The following JADE1 variants were observed in gnomAD, a reference collection of about 807,000 sequenced individuals.
The protein encoded by JADE1 is jade family PHD finger 1.
A neutral mutation model predicts 81.8 loss-of-function variants in JADE1; 14 were observed. The ratio of observed to expected loss-of-function variants is 0.17; its 90% CI spans 0.11 to 0.27. The LOEUF (loss-of-function observed/expected upper bound fraction) is 0.27. Ranked by LOEUF, JADE1 falls within the 10% of genes least tolerant of loss-of-function variation. The pLI is 1.00. For missense variants in JADE1, 690 were observed against 1,047.9 expected, an observed-to-expected ratio of 0.66 and a Z score of 4.71; for synonymous variants, 353 against 391.9, an observed-to-expected ratio of 0.90 and a Z score of 1.17.
chr4:128,855,570 T>C (rs1730725293), intron 6 of JADE1, 60 bp from the exon 7 acceptor site: 1 of 1,454,530 alleles, frequency 6.9e-7, no homozygotes, highest in Non-Finnish European at 9.3e-7. Context: ...ATAGATATAA[T>C]GGGAAAAATA....
chr4:128,838,602 G>A (rs1253580756), intron 2 of JADE1, among the ~76,000 whole-genome samples: 1 of 152,138 alleles, frequency 6.6e-6, no homozygotes, highest in East Asian at 1.9e-4. Context: ...TAATAAGTGC[G>A]TGATGTTTTG....
intron 5 of JADE1, among the ~76,000 whole-genome samples, chr4:128,851,248 A>C (rs1033877134): frequency 3.3e-5 from 5 of 152,252 alleles, no homozygotes; most frequent in African/African-American, 1.2e-4. Context: ...TTGGTTAACT[A>C]TGTTTTTCAA....
Position 128,818,610 on chromosome 4 carries a change from A to G in JADE1, c.-27+8733A>G, listed in dbSNP as rs1727264234. ...TGCCTTTCTCTGTAAAGAGCCAGGTAGTCAATATTTTAGGTTTTGTGGGTC... is the reference window on the plus strand; with the variant it reads ...TGCCTTTCTCTGTAAAGAGCCAGGTGGTCAATATTTTAGGTTTTGTGGGTC... On this transcript the variant is annotated intron_variant, in intron 1 of 10. Coordinates refer to ENST00000226319, the MANE Select transcript of JADE1 (RefSeq NM_199320.4). 2.0e-5 allele frequency among the ~76,000 whole-genome samples: 3 copies of G among 152,328 alleles called. No individual in the cohort carries two copies. In the South Asian group the frequency reaches 6.2e-4, roughly 32 times the overall value.
intron 7 of JADE1, among the ~76,000 whole-genome samples, chr4:128,857,087 G>A (rs1015822652): frequency 6.6e-6 from 1 of 152,200 alleles, no homozygotes; most frequent in Non-Finnish European, 1.5e-5. Flanking sequence ...GCTCCGGTGA[G>A]AAGTGAAAAC....
chr4:128,839,597 C>T (rs1316151948), intron 2 of JADE1, among the ~76,000 whole-genome samples: 1 of 152,118 alleles, frequency 6.6e-6, no homozygotes, highest in Non-Finnish European at 1.5e-5. Context: ...TACTTTCTGT[C>T]ACTATAGATT....
intron 1 of JADE1, among the ~76,000 whole-genome samples, chr4:128,828,694 G>A (rs1266060047): frequency 6.6e-6 from 1 of 152,134 alleles, no homozygotes; most frequent in Admixed American, 6.5e-5. Context: ...GCCAATGCTT[G>A]CGTTCTTTAT....
intron 6 of JADE1, among the ~76,000 whole-genome samples, chr4:128,853,211 T>C (rs1295389828): frequency 6.6e-6 from 1 of 152,296 alleles, no homozygotes; most frequent in East Asian, 1.9e-4. Context: ...ACCAGTCGTA[T>C]GGGACTAGAG....
chr4:128,836,375 T>C (rs1728980813), intron 2 of JADE1, among the ~76,000 whole-genome samples: 2 of 151,936 alleles, frequency 1.3e-5, no homozygotes, highest in African/African-American at 4.8e-5. Flanking sequence ...AATATTAACA[T>C]CATAAAGAAG....
intron 1 of JADE1, chr4:128,811,922 G>A (rs1176266700): frequency 6.6e-6 from 1 of 151,982 alleles, no homozygotes; most frequent in East Asian, 2.0e-4. Context: ...CGCCGCCGCT[G>A]CCGCTCCCAT....
At position 128,861,932 on chromosome 4, in the gene JADE1, G is replaced by C. The variant is rs1183064277; in HGVS notation, c.1210G>C (p.Glu404Gln). 1.9e-6 allele frequency: 3 copies of C among 1,614,118 alleles called. No homozygotes were observed. In the Admixed American group the frequency reaches 5.0e-5, roughly 27 times the overall value. Reference protein sequence around the residue: ...RNPLEPFASLEQNREEAHRVS... With the variant: ...RNPLEPFASLQQNREEAHRVS... Reference sequence around the variant, plus strand: ...TCCGCTGGAGCCCTTTGCCAGCCTTGAGCAGAACCGGGAGGAGGCCCACCG... The same window carrying C: ...TCCGCTGGAGCCCTTTGCCAGCCTTCAGCAGAACCGGGAGGAGGCCCACCG... The change falls in exon 9 of 11, where the codon GAG (glutamate) becomes CAG (glutamine). Residue 404 changes from glutamate (E) to glutamine (Q), a missense_variant. Around this residue, in one of 8 missense-constraint regions of JADE1, gnomAD observed 77 missense variants for 76.4 expected, o/e 1.01. Coordinates refer to ENST00000226319, the MANE Select transcript of JADE1 (RefSeq NM_199320.4).
At chr4:128,859,775 G>T (rs975241177) in intron 8 of JADE1, among the ~76,000 whole-genome samples, 4 of 152,166 alleles carry the variant, frequency 2.6e-5, no homozygotes, top group Admixed American at 1.3e-4. Context: ...TTTGAAGAGA[G>T]ATGATATAAT....
At chr4:128,827,492 A>G (rs546691761) in intron 1 of JADE1, among the ~76,000 whole-genome samples, 26 of 152,312 alleles carry the variant, frequency 1.7e-4, no homozygotes, top group African/African-American at 5.5e-4. Context: ...TGTTCAGGGA[A>G]GAAGCCTGGC....
At position 128,846,638 on chromosome 4, in the gene JADE1, A is replaced by G; in HGVS notation, c.296+106A>G. ...TTTCTGTGGGAAGAGACAGTTTCTG[A>G]GTTAGCATTAAAATATCATGAGGCC... On this transcript the variant is annotated intron_variant, in intron 4 of 10. Coordinates refer to ENST00000226319, the MANE Select transcript of JADE1 (RefSeq NM_199320.4). This position sits in a 1 kb window ranked among gnomAD's most constrained non-coding sequence, Gnocchi z 4.0. 8.1e-7 allele frequency: 1 copy of G among 1,229,462 alleles called. No homozygotes were observed. The highest frequency in any genetic ancestry group is 1.1e-6 in the Non-Finnish European group (1 of 883,920). The allele number at this position is 1,229,462 out of a possible 1,614,324, so 76.2% of individuals were successfully genotyped here. A position where few individuals can be genotyped will look rare whatever the true frequency, so the allele number is the denominator to read the frequency against.
At chr4:128,827,090 C>T (rs1408913720) in intron 1 of JADE1, among the ~76,000 whole-genome samples, 1 of 152,100 alleles carries the variant, frequency 6.6e-6, no homozygotes, top group Non-Finnish European at 1.5e-5. Context: ...TCCTATCCAC[C>T]GGCCCCACCC....
At chr4:128,863,966 T>A in intron 9 of JADE1, 1 of 985,420 alleles carries the variant, frequency 1.0e-6, no homozygotes. Flanking sequence ...GTTACTCAGA[T>A]TAACATGCAC....
In JADE1 at chr4:128,862,237, C is replaced by T. The variant is rs573091096; in HGVS notation, c.1503+12C>T. Reference sequence around the variant, plus strand: ...AGGACCTGGAGAGGGTAATGATTGACACTGACACCTTATAGTGACTTAGAG... The same window carrying T: ...AGGACCTGGAGAGGGTAATGATTGATACTGACACCTTATAGTGACTTAGAG... On this transcript the variant is annotated intron_variant, in intron 9 of 10. Coordinates refer to ENST00000226319, the MANE Select transcript of JADE1 (RefSeq NM_199320.4). 2 of 1,614,110 alleles carry T rather than the reference C, an allele frequency of 1.2e-6. No homozygotes were observed. The highest frequency in any genetic ancestry group is 3.3e-5 in the Admixed American group (2 of 60,024).
intron 8 of JADE1, among the ~76,000 whole-genome samples, chr4:128,860,188 A>G (rs1731203807): frequency 6.6e-6 from 1 of 152,146 alleles, no homozygotes; most frequent in South Asian, 2.1e-4. Context: ...GACAGTGGCC[A>G]GGTGTGTATG....
Position 128,870,948 on chromosome 4 carries a change from C to T in JADE1, c.1622-407C>T, listed in dbSNP as rs138881533. 1.4e-3 allele frequency among the ~76,000 whole-genome samples: 216 copies of T among 152,284 alleles called. 1 individual carries two copies. The highest frequency in any genetic ancestry group is 4.8e-3 in the African/African-American group (201 of 41,556). ...CTTTTTGGGTCCTCTCAGTCTCGTACGGGAGGCAGAAGACTGGACCGTGGA... is the reference window on the plus strand; with the variant it reads ...CTTTTTGGGTCCTCTCAGTCTCGTATGGGAGGCAGAAGACTGGACCGTGGA... On this transcript the variant is annotated intron_variant, in intron 10 of 10. Coordinates refer to ENST00000226319, the MANE Select transcript of JADE1 (RefSeq NM_199320.4).
intron 6 of JADE1, among the ~76,000 whole-genome samples, chr4:128,854,978 C>T (rs2125874641): frequency 6.6e-6 from 1 of 152,090 alleles, no homozygotes; most frequent in East Asian, 1.9e-4. Context: ...TTTTAAATAC[C>T]AGCTAAGGAG....
Sources: gnomAD v4.1 joint callset for allele counts (sites outside exome capture counted in the v4.1 genomes callset) on GRCh38, gnomAD v4.1.1 for gene constraint, gnomAD v4.1.1 regional missense constraint, Gnocchi (gnomAD v3.1) non-coding constraint, MANE v1.5 for transcripts, NCBI Gene and HGNC (gene_info 2026-07-23, HGNC 2026-07-21) for gene names.